The following APPL2 variants were observed in gnomAD, a reference collection of about 807,000 sequenced individuals.
APPL2 encodes the protein adaptor protein, phosphotyrosine interacting with PH domain and leucine zipper 2.
In APPL2, 84 loss-of-function variants were observed where a neutral mutation model predicts 92.7. The ratio of observed to expected loss-of-function variants is 0.91; its 90% CI spans 0.76 to 1.09. The LOEUF (loss-of-function observed/expected upper bound fraction) is 1.09. APPL2 is among the 50% of genes least tolerant of loss of function. APPL2 has a pLI of 0.00. For missense variants in APPL2, 736 were observed against 824.5 expected, an observed-to-expected ratio of 0.89 and a Z score of 1.31; for synonymous variants, 291 against 291.0, an observed-to-expected ratio of 1.00 and a Z score of 0.00.
intron 7 of APPL2, 135 bp downstream of exon 7, chr12:105,207,836 G>C: frequency 1.4e-6 from 1 of 737,214 alleles, no homozygotes; most frequent in Non-Finnish European, 2.2e-6. Context: ...GATTTGGAAT[G>C]AACAATTTTA....
At chr12:105,184,301 G>A (rs182193343) in intron 17 of APPL2, among the ~76,000 whole-genome samples, 1 of 152,224 alleles carries the variant, frequency 6.6e-6, no homozygotes, top group Admixed American at 6.5e-5. Flanking sequence ...TTGTTCCCTT[G>A]CTGGCAATGA....
chr12:105,226,370 C>T (rs1338638670), intron 2 of APPL2, among the ~76,000 whole-genome samples: 12 of 152,286 alleles, frequency 7.9e-5, no homozygotes, highest in East Asian at 1.9e-4. Context: ...CTGCAGGAAA[C>T]GCTGAGGCAG....
chr12:105,222,802 T>A (rs1890204255), intron 2 of APPL2, among the ~76,000 whole-genome samples: 1 of 152,044 alleles, frequency 6.6e-6, no homozygotes, highest in Non-Finnish European at 1.5e-5. Flanking sequence ...GTACAAGGCA[T>A]TTGGGCACAC....
chr12:105,235,256 T>C (rs988950060), intron 1 of APPL2: 1 of 152,200 alleles, frequency 6.6e-6, no homozygotes, highest in African/African-American at 2.4e-5. Flanking sequence ...CCTGCACTCA[T>C]TTGCTATATT....
intron 1 of APPL2, 90 bp downstream of exon 1, chr12:105,235,869 C>G (rs918248552): frequency 9.0e-7 from 1 of 1,116,996 alleles, no homozygotes; most frequent in African/African-American, 1.6e-5. Flanking sequence ...CGCGGCTGCC[C>G]GGCCGGGGGC....
chr12:105,214,955 G>A (rs1889555161), intron 4 of APPL2, among the ~76,000 whole-genome samples: 1 of 152,216 alleles, frequency 6.6e-6, no homozygotes, highest in Admixed American at 6.5e-5. Flanking sequence ...ACCTGGCAGA[G>A]CCCAGAGGGG....
rs535552590 is a variant in APPL2 at position 105,203,197 on chromosome 12, G to A, written c.704+506C>T. 1.1e-4 allele frequency among the ~76,000 whole-genome samples: 16 copies of A among 152,320 alleles called. No homozygotes were observed. The South Asian group carries it at 2.9e-3, about 28-fold the overall frequency. ...TCTGTCATGGAAGCTGGGGAGGGGC[G>A]GGTGGCAGGGCGCCCACAGCCTCCA... On this transcript the variant is annotated intron_variant, in intron 9 of 20. Coordinates refer to ENST00000258530, the MANE Select transcript of APPL2 (RefSeq NM_018171.5).
At chr12:105,194,959 T>C (rs1027486797) in intron 14 of APPL2, among the ~76,000 whole-genome samples, 1 of 152,160 alleles carries the variant, frequency 6.6e-6, no homozygotes, top group African/African-American at 2.4e-5. Flanking sequence ...ATAGAAAATG[T>C]GGGGAGAACT....
chr12:105,234,997 T>C (rs1177501755), intron 1 of APPL2, among the ~76,000 whole-genome samples: 5 of 152,256 alleles, frequency 3.3e-5, no homozygotes, highest in African/African-American at 1.2e-4. Context: ...ACAAGGATCA[T>C]CCTGGGAAGT....
chr12:105,211,103 AT>A lies in APPL2; in HGVS notation c.373+126del, dbSNP rs1162606876. On this transcript the variant is annotated intron_variant, in intron 5 of 20. Transcript: ENST00000258530. Reference sequence around the variant, plus strand: ...TGGGAAGTCAGTAAAAGTTCACTGAATTGAACTGCTCAAAAAGAAAGGCATT... The same window carrying A: ...TGGGAAGTCAGTAAAAGTTCACTGAATGAACTGCTCAAAAAGAAAGGCATT... The A allele has an allele frequency of 5.7e-5, 39 of 688,612 alleles. No individual in the cohort carries two copies. In the Admixed American group the frequency reaches 8.8e-4, roughly 15 times the overall value. 42.7% of individuals were successfully genotyped at this position (688,612 alleles called of 1,614,324 possible). A position where few individuals can be genotyped will look rare whatever the true frequency, so the allele number is the denominator to read the frequency against.
intron 14 of APPL2, among the ~76,000 whole-genome samples, chr12:105,192,711 T>G (rs1388096247): frequency 6.6e-6 from 1 of 152,184 alleles, no homozygotes; most frequent in African/African-American, 2.4e-5. Context: ...CTCATCTCCT[T>G]AACATTGGGG....
chr12:105,186,631 T>TATATG (rs368764204), intron 17 of APPL2, among the ~76,000 whole-genome samples: 20,319 of 119,718 alleles, frequency 0.17, 2,089 homozygotes, highest in East Asian at 0.26. Flanking sequence ...ATATATCATA[T>TATATG]ATATCATATA....
At chr12:105,232,269 T>C (rs1566105500) in intron 1 of APPL2, among the ~76,000 whole-genome samples, 2 of 152,212 alleles carry the variant, frequency 1.3e-5, no homozygotes, top group Admixed American at 1.3e-4. Flanking sequence ...TTTAAGGGTA[T>C]GCTCGGCCAG....
intron 1 of APPL2, chr12:105,233,453 T>A: frequency 1.0e-6 from 1 of 966,096 alleles, no homozygotes; most frequent in East Asian, 1.1e-4. Context: ...TGAATAGATG[T>A]GTCTAAGGTC....
At chr12:105,198,226 GGA>G (rs1273163490) in intron 10 of APPL2, among the ~76,000 whole-genome samples, 1 of 152,132 alleles carries the variant, frequency 6.6e-6, no homozygotes, top group Non-Finnish European at 1.5e-5. Context: ...TACTAAACCA[GGA>G]GATGCAACTA....
rs762406911 is a variant in APPL2, at chr12:105,207,961, G to A, written c.474+10C>T. On this transcript the variant is annotated intron_variant, in intron 7 of 20. Coordinates refer to ENST00000258530, the MANE Select transcript of APPL2 (RefSeq NM_018171.5). ...AATGAAGTGAAAAACAACATGTAAA[G>A]TATTCTTACCTTCTCATTCTCCTTT... 2 of 1,609,092 alleles carry A rather than the reference G, an allele frequency of 1.2e-6. No homozygotes were observed. The highest frequency in any genetic ancestry group is 2.2e-5 in the South Asian group (2 of 90,966).
chr12:105,189,971 T>A lies in APPL2; in HGVS notation c.1406+20A>T. ...AATTTACTTTCAGTTCTCCCAGAGA[T>A]AACCTCTCTCAGCCCATACCTGCTC... On this transcript the variant is annotated intron_variant, in intron 15 of 20. Transcript: ENST00000258530. 1 of 1,612,786 alleles carries A rather than the reference T, an allele frequency of 6.2e-7. No individual in the cohort carries two copies. The highest frequency in any genetic ancestry group is 8.5e-7 in the Non-Finnish European group (1 of 1,178,908).
rs1412460767 is a variant in APPL2 at position 105,199,539 on chromosome 12, C to T, written c.705-8G>A. ...TCCAGTTCTACCTGAATGCTTAAGA[C>T]AGAAGGTGTTGGGTCAGTTACTCAC... is the stretch of plus-strand genomic sequence containing the variant. On this transcript the variant is annotated splice_region_variant and splice_polypyrimidine_tract_variant and intron_variant, in intron 9 of 20. Transcript: ENST00000258530. 2 of 1,612,506 alleles carry T rather than the reference C, an allele frequency of 1.2e-6. No homozygotes were observed. Among genetic ancestry groups the T allele is most frequent in the African/African-American group, 1.3e-5 (1 of 74,878 alleles).
chr12:105,176,368 T>A (rs1885545034), intron 19 of APPL2: 1 of 537,406 alleles, frequency 1.9e-6, no homozygotes, highest in Admixed American at 4.0e-5. Flanking sequence ...CTCTCTTAAA[T>A]GTATTTAGCC....
Sources: allele counts gnomAD v4.1 joint callset (sites outside exome capture counted in the v4.1 genomes callset), GRCh38; gene constraint gnomAD v4.1.1; transcripts MANE v1.5; gene names NCBI Gene and HGNC (gene_info 2026-07-23, HGNC 2026-07-21).